ANKHD1: variants seen among roughly 807,000 people sequenced by gnomAD.
ANKHD1 encodes ankyrin repeat and KH domain-containing protein 1.
ANKHD1 carries 31 observed loss-of-function variants against 230.5 expected under a neutral mutation model. The ratio of observed to expected loss-of-function variants is 0.13; its 90% CI spans 0.10 to 0.18. The LOEUF (loss-of-function observed/expected upper bound fraction) is 0.18, where lower values mean the gene tolerates loss of function less well. Among genes scored for constraint, ANKHD1 ranks in the 10% least tolerant of loss-of-function variants. The pLI, the probability that ANKHD1 is intolerant of heterozygous loss-of-function variation, is 1.00. For synonymous variants in ANKHD1, 1,074 were observed against 1,117.6 expected (o/e 0.96, Z 0.78); for missense variants, 2,256 against 3,071.3 (o/e 0.73, Z 6.27).
At chr5:140,482,929 C>T (rs1007618926) in intron 11 of ANKHD1, among the ~76,000 whole-genome samples, 6 of 152,136 alleles carry the variant, frequency 3.9e-5, no homozygotes, top group Non-Finnish European at 5.9e-5. Flanking sequence ...TGTAAAATGT[C>T]CCACTATGAT....
At position 140,449,402 on chromosome 5, in the gene ANKHD1, C is replaced by T. The variant is rs529203047; in HGVS notation, c.1242+97C>T. On this transcript the variant is annotated intron_variant, in intron 7 of 33. Transcript: ENST00000360839. ...GATTAATTGCCAGTGCGGTGGCTCA[C>T]GCCTGTAATCCCAGCACTTTGAGAG... 2.5e-4 allele frequency: 340 copies of T among 1,351,974 alleles called. 1 individual carries two copies. The highest frequency in any genetic ancestry group is 4.9e-4 in the East Asian group (18 of 36,720). 83.7% of individuals were successfully genotyped at this position (1,351,974 alleles called of 1,614,324 possible).
chr5:140,512,717 G>A (rs964115315), intron 22 of ANKHD1, 111 bp from the exon 23 acceptor site: 3 of 957,820 alleles, frequency 3.1e-6, no homozygotes, highest in South Asian at 1.8e-5. Flanking sequence ...AGGCATATAT[G>A]CAAAATCAAG....
At chr5:140,497,700 T>G (rs1752093094) in intron 15 of ANKHD1, among the ~76,000 whole-genome samples, 1 of 152,238 alleles carries the variant, frequency 6.6e-6, no homozygotes. Flanking sequence ...ATTTGTAATT[T>G]TATTAGATCA....
At chr5:140,534,068 T>A (rs1261616435) in intron 29 of ANKHD1, among the ~76,000 whole-genome samples, 1 of 152,046 alleles carries the variant, frequency 6.6e-6, no homozygotes, top group East Asian at 1.9e-4. Flanking sequence ...GGCAAATCTA[T>A]AGAGACAGAA....
chr5:140,402,184 G>A lies in ANKHD1; in HGVS notation c.217G>A (p.Ala73Thr). Reference sequence around the variant, plus strand: ...CGGCAGCGGTACGGGCGGAGGGGACGCGGCGCTGGATTTCAAGTTGGCGGC... The same window carrying A: ...CGGCAGCGGTACGGGCGGAGGGGACACGGCGCTGGATTTCAAGTTGGCGGC... ...GSGSGTGGGDAALDFKLAAAV... is the reference protein window; with the variant it reads ...GSGSGTGGGDTALDFKLAAAV... The change falls in exon 1 of 34, where the codon GCG becomes ACG. Residue 73 changes from alanine (A) to threonine (T), a missense_variant. Around this residue, in one of 13 missense-constraint regions of ANKHD1, gnomAD observed 193 missense variants for 185.8 expected, o/e 1.04. Transcript: ENST00000360839. 1 of 1,523,608 alleles carries A rather than the reference G, an allele frequency of 6.6e-7. No homozygotes were observed. The allele number at this position is 1,523,608 out of a possible 1,614,324, so 94.4% of individuals were successfully genotyped here.
chr5:140,445,968 C>T lies in ANKHD1; in HGVS notation c.1140C>T (p.Cys380=). Reference sequence around the variant, plus strand: ...AAGAAAGTGCTCTAACACTTGCTTGCTACAAAGGTACTTAATACATGTATG... The same window carrying T: ...AAGAAAGTGCTCTAACACTTGCTTGTTACAAAGGTACTTAATACATGTATG... The part of the protein sequence containing the change: ...EFKESALTLA[C]YKGHLDMVRF... The change falls in exon 6 of 34, where the codon TGC becomes TGT. Residue 380 remains cysteine (C), a synonymous_variant. Transcript: ENST00000360839. The T allele has an allele frequency of 6.3e-7, 1 of 1,595,488 alleles. No individual in the cohort carries two copies. Among genetic ancestry groups the T allele is most frequent in the Non-Finnish European group, 8.6e-7 (1 of 1,169,546 alleles).
chr5:140,429,987 TC>T (rs1284303007), intron 1 of ANKHD1, among the ~76,000 whole-genome samples: 1 of 152,194 alleles, frequency 6.6e-6, no homozygotes, highest in African/African-American at 2.4e-5. Flanking sequence ...AACTGTTGCA[TC>T]CAGTGGTTCA....
chr5:140,453,959 CA>C (rs1774953344), intron 7 of ANKHD1, among the ~76,000 whole-genome samples: 1 of 152,178 alleles, frequency 6.6e-6, no homozygotes, highest in South Asian at 2.1e-4. Flanking sequence ...GTGCTGTATT[CA>C]GGAGACACAT....
At chr5:140,513,107 T>C (rs1752837447) in intron 23 of ANKHD1, among the ~76,000 whole-genome samples, 184 bp downstream of exon 23, 1 of 152,256 alleles carries the variant, frequency 6.6e-6, no homozygotes, top group African/African-American at 2.4e-5. Flanking sequence ...TTGAGATTTC[T>C]ACTGTGGACC....
chr5:140,441,730 A>G (rs1773861944), intron 5 of ANKHD1, among the ~76,000 whole-genome samples: 1 of 152,174 alleles, frequency 6.6e-6, no homozygotes, highest in South Asian at 2.1e-4. Flanking sequence ...AGTGTATTAT[A>G]TTCAGGATTT....
At chr5:140,532,047 A>T (rs189718621) in intron 29 of ANKHD1, among the ~76,000 whole-genome samples, 6 of 152,106 alleles carry the variant, frequency 3.9e-5, no homozygotes, top group Admixed American at 3.9e-4. Context: ...TCTCTACTAA[A>T]ATACAAAACA....
intron 24 of ANKHD1, among the ~76,000 whole-genome samples, chr5:140,516,822 C>T (rs1318151042): frequency 6.6e-6 from 1 of 151,556 alleles, no homozygotes; most frequent in African/African-American, 2.4e-5. Context: ...CCGGTACCAG[C>T]CGCTGCAAAA....
chr5:140,402,483 G>A (rs1770031406), intron 1 of ANKHD1, among the ~76,000 whole-genome samples: 1 of 152,180 alleles, frequency 6.6e-6, no homozygotes, highest in African/African-American at 2.4e-5. Context: ...ACCATTCGTA[G>A]ACCCACAATA....
chr5:140,411,761 C>T (rs971175939), intron 1 of ANKHD1, among the ~76,000 whole-genome samples: 1 of 151,472 alleles, frequency 6.6e-6, no homozygotes, highest in South Asian at 2.1e-4. Flanking sequence ...TGACCTCAGA[C>T]TATCTGCCCA....
At position 140,425,975 on chromosome 5, in the gene ANKHD1, G is replaced by A. The variant is rs143247362; in HGVS notation, c.307-10129G>A. On this transcript the variant is annotated intron_variant, in intron 1 of 33. Coordinates refer to ENST00000360839, the MANE Select transcript of ANKHD1 (RefSeq NM_017747.3). ...AAAATGGTGCTGATCCTGACTTAAA[G>A]TGGAGGGCTCACGTTGGGTAGGGGA... Among the ~76,000 whole-genome samples, 1,385 of 152,278 alleles carry A rather than the reference G, an allele frequency of 9.1e-3. 16 individuals carry two copies. The highest frequency in any genetic ancestry group is 0.032 in the African/African-American group (1,309 of 41,540).
chr5:140,537,387 A>C lies in ANKHD1; in HGVS notation c.7028-2A>C. 1 of 1,613,782 alleles carries C rather than the reference A, an allele frequency of 6.2e-7. No homozygotes were observed. The highest frequency in any genetic ancestry group is 8.5e-7 in the Non-Finnish European group (1 of 1,179,888). ...CTTCGGGATCATCTTCACCTCTTTCAGCCACTTCTGCCCCACCAACGTTGG... is the reference window on the plus strand; with the variant it reads ...CTTCGGGATCATCTTCACCTCTTTCCGCCACTTCTGCCCCACCAACGTTGG... On this transcript the variant is annotated splice_acceptor_variant, in intron 30 of 33. Coordinates refer to ENST00000360839, the MANE Select transcript of ANKHD1 (RefSeq NM_017747.3). LOFTEE classifies it high-confidence loss of function.
At chr5:140,454,078 A>G (rs1053574617) in intron 7 of ANKHD1, among the ~76,000 whole-genome samples, 2 of 152,206 alleles carry the variant, frequency 1.3e-5, no homozygotes, top group Non-Finnish European at 2.9e-5. Context: ...TCTCTGATAA[A>G]AACAGACTTT....
chr5:140,440,421 T>G (rs530339386), intron 4 of ANKHD1, among the ~76,000 whole-genome samples, 155 bp downstream of exon 4: 4 of 152,326 alleles, frequency 2.6e-5, no homozygotes, highest in South Asian at 4.1e-4. Context: ...TAGAAACAGA[T>G]AACACAGTTT....
intron 9 of ANKHD1, among the ~76,000 whole-genome samples, chr5:140,463,007 C>T (rs899868148): frequency 9.2e-5 from 14 of 151,784 alleles, no homozygotes; most frequent in East Asian, 3.9e-4. Flanking sequence ...CACTATGCCC[C>T]GCTAATTTTT....
Sources: allele counts gnomAD v4.1 joint callset (sites outside exome capture counted in the v4.1 genomes callset), GRCh38; gene constraint gnomAD v4.1.1; regional missense constraint gnomAD v4.1.1; transcripts MANE v1.5; gene names NCBI Gene and HGNC (gene_info 2026-07-23, HGNC 2026-07-21).